Variants in NBAS observed in about 807,000 individuals in gnomAD.
The protein encoded by NBAS is NAG/BC035112 fusion.
A neutral mutation model predicts 302.5 loss-of-function variants in NBAS; 219 were observed. The ratio of observed to expected loss-of-function variants is 0.72; its 90% CI spans 0.65 to 0.81. The LOEUF (loss-of-function observed/expected upper bound fraction) is 0.81, where lower values mean the gene tolerates loss of function less well. Among genes scored for constraint, NBAS ranks in the 30% least tolerant of loss-of-function variants. The pLI, the probability that NBAS is intolerant of heterozygous loss-of-function variation, is 0.00. For synonymous variants in NBAS, 1,118 were observed against 1,021.6 expected (o/e 1.09, Z -1.80); for missense variants, 2,932 against 2,841.6 (o/e 1.03, Z -0.72).
chr2:14,917,849 G>A, the NBAS span, among the ~76,000 whole-genome samples: 3 of 152,262 alleles, frequency 2.0e-5, no homozygotes, highest in South Asian at 6.2e-4. Flanking sequence ...AAGTAGGAAG[G>A]GTTTGGAGCT....
chr2:15,493,827 CTCTT>C (rs1250080918), intron 11 of NBAS, among the ~76,000 whole-genome samples: 2 of 134,780 alleles, frequency 1.5e-5, no homozygotes, highest in South Asian at 2.3e-4. Context: ...CTGCAATTTT[CTCTT>C]TTTTTTTTTT....
chr2:15,164,485 G>C (rs1663968856), downstream of NBAS, among the ~76,000 whole-genome samples: 2 of 152,192 alleles, frequency 1.3e-5, no homozygotes, highest in South Asian at 4.1e-4. Flanking sequence ...GGCTCAGAGA[G>C]AGAGGCCTCC....
At chr2:15,245,057 T>C (rs1352610064) in intron 44 of NBAS, among the ~76,000 whole-genome samples, 1 of 152,104 alleles carries the variant, frequency 6.6e-6, no homozygotes, top group African/African-American at 2.4e-5. Context: ...TAGGCCACTG[T>C]GACTCTGGGG....
intron 35 of NBAS, among the ~76,000 whole-genome samples, chr2:15,331,017 T>C (rs1017633402): frequency 2.0e-5 from 3 of 152,174 alleles, no homozygotes; most frequent in Non-Finnish European, 4.4e-5. Context: ...GTGTATTAAA[T>C]AATCCCTCAG....
At chr2:15,442,711 G>C (rs1297942589) in intron 21 of NBAS, among the ~76,000 whole-genome samples, 2 of 151,834 alleles carry the variant, frequency 1.3e-5, no homozygotes, top group Non-Finnish European at 2.9e-5. Context: ...AATGAATCCA[G>C]GAGCTAGTTT....
chr2:14,836,702 C>A, the NBAS span, among the ~76,000 whole-genome samples: 2 of 151,788 alleles, frequency 1.3e-5, no homozygotes, highest in Admixed American at 1.3e-4. Flanking sequence ...ATATAAATAG[C>A]ATAATTCTGC....
intron 10 of NBAS, among the ~76,000 whole-genome samples, chr2:15,507,549 C>T (rs1661922741): frequency 6.6e-6 from 1 of 152,164 alleles, no homozygotes; most frequent in South Asian, 2.1e-4. Flanking sequence ...AATGCCTTTA[C>T]ATATATTACT....
At chr2:15,502,513 C>A (rs1296163598) in intron 11 of NBAS, among the ~76,000 whole-genome samples, 1 of 152,192 alleles carries the variant, frequency 6.6e-6, no homozygotes, top group Non-Finnish European at 1.5e-5. Context: ...GCTCCTAGGG[C>A]CATGAACCTG....
Position 15,437,697 on chromosome 2 carries a change from A to G in NBAS, c.2340-9903T>C, listed in dbSNP as rs1678100172. The stretch of plus-strand genomic sequence containing the variant: ...AAGAAAACAGTTCTTATGACTGTCA[A>G]TATAGATTTTTAACTACATAACATT... On this transcript the variant is annotated intron_variant, in intron 21 of 51. Coordinates refer to ENST00000281513, the MANE Select transcript of NBAS (RefSeq NM_015909.4). 2.6e-5 allele frequency among the ~76,000 whole-genome samples: 4 copies of G among 152,374 alleles called. No individual in the cohort carries two copies. In the South Asian group the frequency reaches 8.3e-4, roughly 32 times the overall value.
intron 35 of NBAS, among the ~76,000 whole-genome samples, chr2:15,344,578 C>T (rs1190889232): frequency 1.3e-5 from 2 of 152,118 alleles, no homozygotes; most frequent in South Asian, 2.1e-4. Flanking sequence ...AATTCTACCA[C>T]AGGCACAAAG....
chr2:15,457,604 G>A (rs1010124247), intron 21 of NBAS, among the ~76,000 whole-genome samples: 13 of 152,166 alleles, frequency 8.5e-5, no homozygotes, highest in South Asian at 8.3e-4. Flanking sequence ...CTGATCACTC[G>A]TGCTGAAGAG....
intron 50 of NBAS, among the ~76,000 whole-genome samples, chr2:15,180,558 C>T (rs764605922): frequency 2.6e-5 from 4 of 152,190 alleles, no homozygotes; most frequent in Non-Finnish European, 4.4e-5. Context: ...CCTGGCTGGC[C>T]GCATCCTGTG....
At chr2:15,476,684 C>T (rs1439834311) in intron 13 of NBAS, among the ~76,000 whole-genome samples, 3 of 152,068 alleles carry the variant, frequency 2.0e-5, no homozygotes, top group Non-Finnish European at 2.9e-5. Flanking sequence ...CACTACACTC[C>T]AGCCTGGGCG....
chr2:15,335,948 T>A (rs1672562302), intron 35 of NBAS, among the ~76,000 whole-genome samples: 1 of 151,900 alleles, frequency 6.6e-6, no homozygotes, highest in South Asian at 2.1e-4. Context: ...AATAAAAAAT[T>A]ACGCAGGCAT....
the NBAS span, among the ~76,000 whole-genome samples, chr2:15,103,643 G>A: frequency 6.6e-6 from 1 of 152,128 alleles, no homozygotes; most frequent in Non-Finnish European, 1.5e-5. Flanking sequence ...AATGTTTTTA[G>A]ATTAAATGAA....
the NBAS span, among the ~76,000 whole-genome samples, chr2:15,155,893 C>A: frequency 3.9e-5 from 6 of 152,308 alleles, no homozygotes; most frequent in South Asian, 1.2e-3. Flanking sequence ...AATAACAACT[C>A]ATCACCGGGT....
chr2:15,167,108 C>T lies in NBAS; in HGVS notation c.7056G>A (p.Gly2352=), dbSNP rs898405702. The T allele has an allele frequency of 3.7e-6, 6 of 1,613,362 alleles. No individual in the cohort carries two copies. Among genetic ancestry groups the T allele is most frequent in the Non-Finnish European group, 5.1e-6 (6 of 1,179,634 alleles). ...TGAAGGTTCTGAAGGCCTGGTGAGTCCCCCTCACGGCCAGAAGGAGAGACC... is the reference window on the plus strand; with the variant it reads ...TGAAGGTTCTGAAGGCCTGGTGAGTTCCCCTCACGGCCAGAAGGAGAGACC... ...EAGSLLLAVR[G]THQAFRTFST... Residue 2352 remains glycine (G), a synonymous_variant, in exon 52 of 52, where the codon GGG becomes GGA. Coordinates refer to ENST00000281513, the MANE Select transcript of NBAS (RefSeq NM_015909.4).
the NBAS span, among the ~76,000 whole-genome samples, chr2:15,138,119 G>C: frequency 1.3e-5 from 2 of 152,296 alleles, no homozygotes; most frequent in African/African-American, 4.8e-5. Flanking sequence ...ATCTGGGATT[G>C]GATAAGGTTT....
intron 42 of NBAS, among the ~76,000 whole-genome samples, chr2:15,284,073 T>C (rs1210975760): frequency 6.6e-6 from 1 of 151,460 alleles, no homozygotes; most frequent in Non-Finnish European, 1.5e-5. Flanking sequence ...GAAGTGATTC[T>C]AGGCATTCAT....
Sources: gnomAD v4.1 joint callset for allele counts (sites outside exome capture counted in the v4.1 genomes callset) on GRCh38, gnomAD v4.1.1 for gene constraint, MANE v1.5 for transcripts, NCBI Gene and HGNC (gene_info 2026-07-23, HGNC 2026-07-21) for gene names.